The following ADPRHL1 variants were observed in gnomAD, a reference collection of about 807,000 sequenced individuals.
ADPRHL1 encodes the protein inactive ADP-ribosyltransferase ARH2.
In ADPRHL1, 43 loss-of-function variants were observed where a neutral mutation model predicts 44.1. The observed-to-expected ratio is 0.98, with a 90% CI of 0.76 to 1.26. The LOEUF (loss-of-function observed/expected upper bound fraction) is 1.26. ADPRHL1 is among the 50% of genes most tolerant of loss of function. ADPRHL1 has a pLI of 0.00. For synonymous variants in ADPRHL1, 878 were observed against 1,017.4 expected (o/e 0.86, Z 2.61); for missense variants, 2,022 against 2,496.9 (o/e 0.81, Z 4.05).
At chr13:113,435,413 A>G in intron 2 of ADPRHL1, among the ~76,000 whole-genome samples, 1 of 136,806 alleles carries the variant, frequency 7.3e-6, no homozygotes, top group South Asian at 2.4e-4. Flanking sequence ...TGTAGAGTGA[A>G]CACAGGTGTA....
chr13:113,414,589 G>A (rs1219196190), intron 7 of ADPRHL1, among the ~76,000 whole-genome samples: 2 of 151,986 alleles, frequency 1.3e-5, no homozygotes, highest in African/African-American at 2.4e-5. Context: ...TGCTCTTGTC[G>A]CTGTGGTGCC....
rs1232134356 is a variant in ADPRHL1, at chr13:113,429,025, C to G, written c.573G>C (p.Gln191His). 2 of 1,612,938 alleles carry G rather than the reference C, an allele frequency of 1.2e-6. No individual in the cohort carries two copies. Among genetic ancestry groups the G allele is most frequent in the Admixed American group, 3.3e-5 (2 of 60,020 alleles). Reference protein sequence around the residue: ...SFAAQGKPLVQWGRDMLRAVP... With the variant: ...SFAAQGKPLVHWGRDMLRAVP... ...CCGCCCGCAGCATGTCTCTCCCCCA[C>G]TGGACCAGGGGCTTTCCTTGTGCGG... The change falls in exon 4 of 8, where the codon CAG becomes CAC. Residue 191 changes from glutamine (Q) to histidine (H), a missense_variant. Gln to His is a conservative substitution (Grantham distance 24). Coordinates refer to ENST00000612156, the MANE Select transcript of ADPRHL1 (RefSeq NM_001394807.1).
In ADPRHL1 at chr13:113,409,387, G is replaced by C. The variant is rs1405393163; in HGVS notation, c.1062-1167C>G. On this transcript the variant is annotated intron_variant, in intron 7 of 7. Transcript: ENST00000612156. The surrounding 1 kb of genome is among the most constrained non-coding windows in gnomAD (Gnocchi z 4.2). ...TCATTCATTCTAAGGAGATCATCAG[G>C]GATGAGGAACAAAGACTCGAGTATT... 5.1e-6 allele frequency: 5 copies of C among 985,250 alleles called. No individual in the cohort carries two copies. The highest frequency in any genetic ancestry group is 6.0e-6 in the Non-Finnish European group (5 of 829,942). 61.0% of individuals were successfully genotyped at this position (985,250 alleles called of 1,614,324 possible).
rs749835067 is a variant in ADPRHL1, at chr13:113,424,338, CT to C, written c.785del (p.Lys262SerfsTer17). The C allele has an allele frequency of 6.2e-7, 1 of 1,612,796 alleles. No individual in the cohort carries two copies. Among genetic ancestry groups the C allele is most frequent in the Non-Finnish European group, 8.5e-7 (1 of 1,179,898 alleles). ...TTCCCCCTCGACCTTCCGAGCTCCA[CT>C]TCCTGTAGGTCTGACAAGAGAGCCG... ...DAEEREKTYRKWSSEGRGGRR... is the reference protein window; with the variant it reads ...DAEEREKTYRXWSSEGRGGRR... On this transcript the variant is annotated frameshift_variant, in exon 6 of 8. Coordinates refer to ENST00000612156, the MANE Select transcript of ADPRHL1 (RefSeq NM_001394807.1). LOFTEE classifies it high-confidence loss of function.
intron 7 of ADPRHL1, among the ~76,000 whole-genome samples, chr13:113,421,211 C>T (rs116084747): frequency 0.24 from 14,513 of 61,018 alleles, 3,965 homozygotes; most frequent in Middle Eastern, 0.37. Flanking sequence ...CCCCGGGACA[C>T]GCCCACCCCC....
intron 7 of ADPRHL1, chr13:113,410,116 C>A: frequency 2.0e-6 from 2 of 985,372 alleles, no homozygotes; most frequent in South Asian, 4.7e-5. Flanking sequence ...GCCGTGGGCA[C>A]GCGATGACCC....
intron 2 of ADPRHL1, among the ~76,000 whole-genome samples, chr13:113,440,541 C>T (rs530904131): frequency 2.4e-4 from 36 of 151,798 alleles, no homozygotes; most frequent in South Asian, 8.3e-4. Flanking sequence ...CTGCAACCTC[C>T]GCCTCCTGGG....
At chr13:113,433,983 A>G (rs2044027075) in intron 2 of ADPRHL1, 116 bp from the exon 3 acceptor site, 1 of 1,395,246 alleles carries the variant, frequency 7.2e-7, no homozygotes, top group Non-Finnish European at 9.4e-7. Flanking sequence ...ACATGTTATC[A>G]GAGTGTGGTT....
chr13:113,421,925 G>T (rs1278109084), intron 7 of ADPRHL1: 1 of 152,232 alleles, frequency 6.6e-6, no homozygotes, highest in African/African-American at 2.4e-5. Flanking sequence ...CTAGCCAAGC[G>T]GCCAAGCACA....
intron 7 of ADPRHL1, among the ~76,000 whole-genome samples, chr13:113,419,878 G>A (rs1166622129): frequency 6.6e-6 from 1 of 152,202 alleles, no homozygotes; most frequent in Non-Finnish European, 1.5e-5. Flanking sequence ...ACACATGCAG[G>A]TGTGTCTCAC....
Position 113,453,077 on chromosome 13 carries a change from A to T in ADPRHL1, c.214+147T>A. ...ATCAAATTTGAGGGACACTCAGATT[A>T]AATTGCCACTTTTAGCAGCGGTATC... On this transcript the variant is annotated intron_variant, in intron 1 of 7. Transcript: ENST00000612156. The surrounding 1 kb of genome is among the most constrained non-coding windows in gnomAD (Gnocchi z 5.4). The T allele has an allele frequency of 1.2e-6, 1 of 818,602 alleles. No homozygotes were observed. Among genetic ancestry groups the T allele is most frequent in the Non-Finnish European group, 1.9e-6 (1 of 526,816 alleles). 50.7% of individuals were successfully genotyped at this position (818,602 alleles called of 1,614,324 possible). A position where few individuals can be genotyped will look rare whatever the true frequency, so the allele number is the denominator to read the frequency against.
Position 113,406,756 on chromosome 13 carries a change from C to T in ADPRHL1, c.2526G>A (p.Arg842=), listed in dbSNP as rs906537472. The part of the protein sequence containing the change: ...RRTQPATEPP[R]ITVQIPVVHE... ...GGACAACTGGAATTTGGACAGTTAT[C>T]CGTGGAGGCTCCGTGGCAGGCTGTG... is the stretch of plus-strand genomic sequence containing the variant. Residue 842 remains arginine (R), a synonymous_variant, in exon 8 of 8, where the codon CGG becomes CGA. Transcript: ENST00000612156. The T allele has an allele frequency of 6.5e-6, 8 of 1,231,860 alleles. No homozygotes were observed. Among genetic ancestry groups the T allele is most frequent in the Admixed American group, 4.2e-5 (1 of 23,704 alleles). The allele number at this position is 1,231,860 out of a possible 1,614,324, so 76.3% of individuals were successfully genotyped here. A position where few individuals can be genotyped will look rare whatever the true frequency, so the allele number is the denominator to read the frequency against.
intron 7 of ADPRHL1, among the ~76,000 whole-genome samples, chr13:113,421,399 C>G (rs2043921488): frequency 6.7e-6 from 1 of 148,404 alleles, no homozygotes; most frequent in Non-Finnish European, 1.5e-5. Context: ...CGGGACTTGC[C>G]CACCCCCAGA....
intron 7 of ADPRHL1, among the ~76,000 whole-genome samples, chr13:113,412,403 C>T (rs1469154964): frequency 1.3e-5 from 2 of 152,238 alleles, no homozygotes; most frequent in East Asian, 3.9e-4. Context: ...TGGTCTCGAT[C>T]TCCTGACCTC....
intron 4 of ADPRHL1, among the ~76,000 whole-genome samples, chr13:113,428,670 G>A (rs149645675): frequency 3.9e-5 from 6 of 152,368 alleles, no homozygotes; most frequent in African/African-American, 9.6e-5. Flanking sequence ...TGGGGTGGAC[G>A]GGGACGGGTG....
intron 1 of ADPRHL1, chr13:113,448,923 G>A: frequency 1.0e-6 from 1 of 983,004 alleles, no homozygotes; most frequent in African/African-American, 1.7e-5. Context: ...GCTGGGAATG[G>A]CCAGCTGCAT....
At chr13:113,430,927 G>C (rs1382496925) in intron 3 of ADPRHL1, among the ~76,000 whole-genome samples, 1 of 152,232 alleles carries the variant, frequency 6.6e-6, no homozygotes, top group East Asian at 1.9e-4. Flanking sequence ...ACTGCTCCCA[G>C]GGTGTCATCT....
chr13:113,450,919 C>G (rs571677678), intron 1 of ADPRHL1, among the ~76,000 whole-genome samples: 2 of 151,380 alleles, frequency 1.3e-5, no homozygotes, highest in Non-Finnish European at 2.9e-5. Context: ...GGTGGAAGAG[C>G]AGTCTTCTCT....
intron 1 of ADPRHL1, among the ~76,000 whole-genome samples, chr13:113,449,600 C>T (rs1036140836): frequency 1.1e-4 from 16 of 152,202 alleles, no homozygotes; most frequent in South Asian, 4.1e-4. Context: ...GAGGCTCACC[C>T]GGAAGGAGGG....
Sources: allele counts gnomAD v4.1 joint callset (sites outside exome capture counted in the v4.1 genomes callset), GRCh38; gene constraint gnomAD v4.1.1; non-coding constraint Gnocchi (gnomAD v3.1); transcripts MANE v1.5; gene names NCBI Gene and HGNC (gene_info 2026-07-23, HGNC 2026-07-21).